KDELR2: variants seen among roughly 807,000 people sequenced by gnomAD.
KDELR2 encodes the protein ER lumen protein-retaining receptor 2.
KDELR2 carries 15 observed loss-of-function variants against 23.9 expected under a neutral mutation model. That is an observed-to-expected ratio of 0.63 (90% confidence interval 0.42 to 0.97). KDELR2 has a LOEUF of 0.97. Ranked by LOEUF, KDELR2 falls within the 50% of genes least tolerant of loss-of-function variation. KDELR2 has a pLI of 0.00. For synonymous variants in KDELR2, 119 were observed against 106.2 expected (o/e 1.12, Z -0.74); for missense variants, 272 against 254.6 (o/e 1.07, Z -0.46).
At chr7:6,464,671 G>A (rs893680905) in intron 4 of KDELR2, among the ~76,000 whole-genome samples, 3 of 151,604 alleles carry the variant, frequency 2.0e-5, no homozygotes, top group African/African-American at 4.8e-5. Flanking sequence ...TAGCCTGGGT[G>A]AGAGAGACTC....
At chr7:6,463,408 A>T (rs1221921145) in intron 4 of KDELR2, among the ~76,000 whole-genome samples, 2 of 152,150 alleles carry the variant, frequency 1.3e-5, no homozygotes, top group South Asian at 2.1e-4. Context: ...AATATAGCTT[A>T]TGTAGGGAGG....
rs755627555 is a variant in KDELR2, at chr7:6,469,605, A to C, written c.342T>G (p.Ser114=). The change falls in exon 3 of 5, where the codon TCT becomes TCG. Residue 114 remains serine (S), a synonymous_variant. Coordinates refer to ENST00000258739, the MANE Select transcript of KDELR2 (RefSeq NM_006854.4). ...GLSFLVNHDF[S]PLEILWTFSI... ...AACCTTTTAAACTAACCTCAAGAGG[A>C]GAGAAATCGTGATTAACTAAAAATG... 2 of 1,613,880 alleles carry C rather than the reference A, an allele frequency of 1.2e-6. No homozygotes were observed. Among genetic ancestry groups the C allele is most frequent in the South Asian group, 2.2e-5 (2 of 91,048 alleles).
chr7:6,482,610 G>C (rs1261281027), intron 1 of KDELR2: 3 of 469,364 alleles, frequency 6.4e-6, no homozygotes, highest in Non-Finnish European at 1.3e-5. Context: ...CAGATTCAGA[G>C]ATGTAAGTGT....
At chr7:6,474,888 C>G (rs750889725) in intron 1 of KDELR2, among the ~76,000 whole-genome samples, 3 of 152,104 alleles carry the variant, frequency 2.0e-5, no homozygotes, top group Non-Finnish European at 4.4e-5. Flanking sequence ...ACTCCTGGGC[C>G]CAGCTTCCCA....
intron 1 of KDELR2, among the ~76,000 whole-genome samples, chr7:6,483,692 A>G (rs1232503011): frequency 1.3e-5 from 2 of 152,194 alleles, no homozygotes; most frequent in African/African-American, 4.8e-5. Context: ...TTTCAGACAC[A>G]GCAGGGCCCC....
rs1785408528 is a variant in KDELR2 at position 6,462,428 on chromosome 7, G to C, written c.*713C>G. The C allele has an allele frequency of 6.5e-6, 1 of 154,720 alleles. No homozygotes were observed. Among genetic ancestry groups the C allele is most frequent in the Non-Finnish European group, 1.4e-5 (1 of 69,970 alleles). 9.6% of individuals were successfully genotyped at this position (154,720 alleles called of 1,614,324 possible). On this transcript the variant is annotated 3_prime_UTR_variant, in exon 5 of 5. Transcript: ENST00000258739. ...TGCCACTGGATTCTTCAGCACCCTT[G>C]GGACAGTCTCCAACTGACACTTCCC...
chr7:6,467,710 G>A (rs928995968), intron 3 of KDELR2, among the ~76,000 whole-genome samples: 13 of 151,978 alleles, frequency 8.6e-5, no homozygotes, highest in African/African-American at 2.9e-4. Context: ...GCAGTGAGCC[G>A]AGATCATGCC....
intron 3 of KDELR2, 106 bp from the exon 4 acceptor site, chr7:6,466,429 GT>G: frequency 7.0e-7 from 1 of 1,426,778 alleles, no homozygotes; most frequent in Non-Finnish European, 9.5e-7. Context: ...TGAGTGGGGA[GT>G]GGGGCATGTC....
intron 4 of KDELR2, among the ~76,000 whole-genome samples, chr7:6,464,197 C>CAAAAAAA (rs758537707): frequency 2.6e-5 from 1 of 38,764 alleles, no homozygotes; most frequent in Non-Finnish European, 4.0e-5. Flanking sequence ...AACTCTGTCT[C>CAAAAAAA]AAAAAAAAAA....
Position 6,474,192 on chromosome 7 carries a change from A to T in KDELR2, c.184T>A (p.Ser62Thr). The change falls in exon 2 of 5, where the codon TCT becomes ACT. Residue 62 changes from serine (S) to threonine (T), a missense_variant. Coordinates refer to ENST00000258739, the MANE Select transcript of KDELR2 (RefSeq NM_006854.4). ...TGGATGGCATACCATACCTTCATAG[A>T]TGTGTTATACAATGAAATAAATGAA... The part of the protein sequence containing the change: ...FTSFISLYNT[S>T]MKVIYLACSY... The T allele has an allele frequency of 6.3e-7, 1 of 1,594,246 alleles. No individual in the cohort carries two copies. Among genetic ancestry groups the T allele is most frequent in the Non-Finnish European group, 8.6e-7 (1 of 1,161,822 alleles).
chr7:6,469,163 A>AC (rs1785569778), intron 3 of KDELR2, among the ~76,000 whole-genome samples: 1 of 149,780 alleles, frequency 6.7e-6, no homozygotes, highest in Non-Finnish European at 1.5e-5. Context: ...CATGTTAGCC[A>AC]GTATAGTCTC....
chr7:6,480,551 G>A (rs1785868563), intron 1 of KDELR2, among the ~76,000 whole-genome samples: 1 of 152,148 alleles, frequency 6.6e-6, no homozygotes. Flanking sequence ...CTGCCTATGA[G>A]GAACACAGAA....
intron 3 of KDELR2, among the ~76,000 whole-genome samples, chr7:6,469,115 C>A (rs1467346880): frequency 6.6e-6 from 1 of 151,884 alleles, no homozygotes; most frequent in Admixed American, 6.6e-5. Context: ...CCATGCCCAG[C>A]TAATTTTTTT....
chr7:6,472,666 G>T (rs912072068), intron 2 of KDELR2, among the ~76,000 whole-genome samples: 1 of 152,166 alleles, frequency 6.6e-6, no homozygotes, highest in African/African-American at 2.4e-5. Context: ...CTCACATACT[G>T]CTTTGTCTCC....
chr7:6,472,481 G>A (rs909287859), intron 2 of KDELR2, among the ~76,000 whole-genome samples: 3 of 152,186 alleles, frequency 2.0e-5, no homozygotes, highest in Non-Finnish European at 2.9e-5. Flanking sequence ...TCCTGAGGGG[G>A]AGAGAGGATT....
At position 6,469,669 on chromosome 7, in the gene KDELR2, A is replaced by G; in HGVS notation, c.278T>C (p.Phe93Ser). ...AGGGACCACCAGAAACTCCACTCGG[A>G]AGGTATCATGATTTCCATCGTAGGT... ...KATYDGNHDTFRVEFLVVPVG... is the reference protein window; with the variant it reads ...KATYDGNHDTSRVEFLVVPVG... Residue 93 changes from phenylalanine to serine, a missense_variant, in exon 3 of 5, where the codon TTC becomes TCC. By Grantham distance (155) the Phe-to-Ser change is radical. Transcript: ENST00000258739. 6 of 1,614,158 alleles carry G rather than the reference A, an allele frequency of 3.7e-6. No individual in the cohort carries two copies. The highest frequency in any genetic ancestry group is 1.3e-5 in the African/African-American group (1 of 75,052).
At position 6,466,227 on chromosome 7, in the gene KDELR2, G is replaced by C; in HGVS notation, c.448C>G (p.His150Asp). Residue 150 changes from histidine (H) to aspartate (D), a missense_variant, in exon 4 of 5, where the codon CAC (histidine) becomes GAC (aspartate). His to Asp is a moderately conservative substitution (Grantham distance 81, BLOSUM62 -1). Coordinates refer to ENST00000258739, the MANE Select transcript of KDELR2 (RefSeq NM_006854.4). ...TAGAGGCCCAGGAAGAACAGGTAGT[G>C]GGTGGTGATGGTCTCGGCCTCCCCA... The part of the protein sequence containing the change: ...KTGEAETITT[H>D]YLFFLGLYRA... The C allele has an allele frequency of 6.2e-7, 1 of 1,614,196 alleles. No individual in the cohort carries two copies. The highest frequency in any genetic ancestry group is 1.3e-5 in the African/African-American group (1 of 75,054).
At chr7:6,482,954 A>G (rs962631848) in intron 1 of KDELR2, among the ~76,000 whole-genome samples, 29 of 151,726 alleles carry the variant, frequency 1.9e-4, no homozygotes, top group Middle Eastern at 3.4e-3. Flanking sequence ...TGCAGTGAGC[A>G]GTGATCACAC....
intron 1 of KDELR2, among the ~76,000 whole-genome samples, chr7:6,476,454 A>G (rs1480550956): frequency 6.6e-6 from 1 of 152,192 alleles, no homozygotes; most frequent in East Asian, 1.9e-4. Flanking sequence ...GTCAGACCAT[A>G]CCTGGTGTTT....
Sources: gnomAD v4.1 joint callset for allele counts (sites outside exome capture counted in the v4.1 genomes callset) on GRCh38, gnomAD v4.1.1 for gene constraint, MANE v1.5 for transcripts, NCBI Gene and HGNC (gene_info 2026-07-23, HGNC 2026-07-21) for gene names.